Variants in SORCS3 observed in about 807,000 individuals in gnomAD.
SORCS3 encodes the protein sortilin related VPS10 domain containing receptor 3.
SORCS3 carries 57 observed loss-of-function variants against 146.3 expected under a neutral mutation model. The observed-to-expected ratio is 0.39, with a 90% CI of 0.31 to 0.49. SORCS3 has a LOEUF of 0.49. SORCS3 is among the 20% of genes least tolerant of loss of function. The pLI, the probability that SORCS3 is intolerant of heterozygous loss-of-function variation, is 0.92. For synonymous variants in SORCS3, 653 were observed against 618.5 expected (o/e 1.06, Z -0.83); for missense variants, 1,341 against 1,575.5 (o/e 0.85, Z 2.52).
At chr10:104,730,869 C>A (rs958436566) in intron 1 of SORCS3, among the ~76,000 whole-genome samples, 1 of 152,198 alleles carries the variant, frequency 6.6e-6, no homozygotes, top group African/African-American at 2.4e-5. Flanking sequence ...CCCATGATTC[C>A]ATTATCTCCA....
chr10:105,010,813 C>T (rs1282567183), intron 4 of SORCS3, among the ~76,000 whole-genome samples: 2 of 151,602 alleles, frequency 1.3e-5, no homozygotes, highest in East Asian at 1.9e-4. Flanking sequence ...GTGAGATTCT[C>T]CAGGGAGACG....
intron 14 of SORCS3, among the ~76,000 whole-genome samples, chr10:105,198,702 A>G (rs1399761497): frequency 6.6e-6 from 1 of 152,178 alleles, no homozygotes; most frequent in African/African-American, 2.4e-5. Flanking sequence ...TTCTAGGCTC[A>G]GAGTTTCTCC....
intron 11 of SORCS3, among the ~76,000 whole-genome samples, chr10:105,159,618 C>T (rs2056244884): frequency 6.6e-6 from 1 of 152,226 alleles, no homozygotes; most frequent in Non-Finnish European, 1.5e-5. Flanking sequence ...CATTTCCATA[C>T]ACCTTTTCAA....
chr10:105,141,540 TATC>T (rs1478315782), intron 8 of SORCS3, among the ~76,000 whole-genome samples: 7 of 152,224 alleles, frequency 4.6e-5, no homozygotes, highest in African/African-American at 1.4e-4. Flanking sequence ...AAAAGCTCCC[TATC>T]ATCATTGCCC....
At chr10:104,882,988 A>G (rs2133576883) in intron 2 of SORCS3, among the ~76,000 whole-genome samples, 1 of 152,332 alleles carries the variant, frequency 6.6e-6, no homozygotes, top group Non-Finnish European at 1.5e-5. Context: ...ATGGAATCAC[A>G]GGGAGGAAGG....
intron 1 of SORCS3, among the ~76,000 whole-genome samples, chr10:104,772,038 C>T (rs1175083262): frequency 1.3e-5 from 2 of 152,160 alleles, no homozygotes; most frequent in African/African-American, 4.8e-5. Flanking sequence ...AATGCTTAGG[C>T]TAAGACTTGT....
chr10:104,685,267 A>C (rs1376250516), intron 1 of SORCS3, among the ~76,000 whole-genome samples: 3 of 152,222 alleles, frequency 2.0e-5, no homozygotes, highest in African/African-American at 7.2e-5. Flanking sequence ...CCTACAAGGC[A>C]AAGAGAAAGG....
At chr10:105,083,666 G>C (rs703462) in intron 5 of SORCS3, among the ~76,000 whole-genome samples, 60,567 of 151,972 alleles carry the variant, frequency 0.4, 12,564 homozygotes, top group African/African-American at 0.5. Context: ...AAAATCTTCA[G>C]TCACTACTCC....
chr10:104,841,068 G>A (rs1427581545), intron 1 of SORCS3, among the ~76,000 whole-genome samples: 3 of 152,150 alleles, frequency 2.0e-5, no homozygotes, highest in East Asian at 1.9e-4. Context: ...GTGTATGTGT[G>A]TGTGTATACC....
At chr10:104,988,113 A>G (rs561777452) in intron 4 of SORCS3, among the ~76,000 whole-genome samples, 30 of 152,220 alleles carry the variant, frequency 2.0e-4, no homozygotes, top group African/African-American at 7.2e-4. Flanking sequence ...GGAGCATATG[A>G]CTCTTGAAGG....
chr10:105,231,020 C>G (rs554102630), intron 20 of SORCS3, among the ~76,000 whole-genome samples: 1 of 152,258 alleles, frequency 6.6e-6, no homozygotes, highest in Non-Finnish European at 1.5e-5. Flanking sequence ...TTCTGGAGGT[C>G]TCTCACTTGC....
chr10:105,007,195 T>C (rs1344463573), intron 4 of SORCS3, among the ~76,000 whole-genome samples: 2 of 152,212 alleles, frequency 1.3e-5, no homozygotes, highest in Admixed American at 6.5e-5. Flanking sequence ...AACCAGTTGG[T>C]TAATTAATAT....
intron 1 of SORCS3, among the ~76,000 whole-genome samples, chr10:104,644,213 G>T (rs1313249182): frequency 2.0e-5 from 3 of 152,242 alleles, no homozygotes; most frequent in Non-Finnish European, 2.9e-5. Flanking sequence ...TGTGCTCTTG[G>T]CCAGCCTTAC....
chr10:104,912,876 C>A (rs1405065718), intron 2 of SORCS3, among the ~76,000 whole-genome samples: 1 of 151,890 alleles, frequency 6.6e-6, no homozygotes, highest in Admixed American at 6.6e-5. Flanking sequence ...TGTGATTAAT[C>A]CCCCCCGGGA....
At chr10:104,869,633 T>C (rs1435184297) in intron 2 of SORCS3, among the ~76,000 whole-genome samples, 1 of 152,198 alleles carries the variant, frequency 6.6e-6, no homozygotes, top group Non-Finnish European at 1.5e-5. Flanking sequence ...CACCAACCAT[T>C]TCTTCTGAAA....
At chr10:105,134,981 A>G (rs1181683962) in intron 7 of SORCS3, among the ~76,000 whole-genome samples, 1 of 152,038 alleles carries the variant, frequency 6.6e-6, no homozygotes, top group Non-Finnish European at 1.5e-5. Context: ...TCTGAAATAC[A>G]ATGGTGGGAG....
At chr10:105,254,803 A>C (rs971241747) in intron 23 of SORCS3, among the ~76,000 whole-genome samples, 1 of 151,982 alleles carries the variant, frequency 6.6e-6, no homozygotes, top group African/African-American at 2.4e-5. Context: ...ATCTAAAAAA[A>C]AAAAGAAGTA....
chr10:104,771,845 G>T (rs188316628), intron 1 of SORCS3, among the ~76,000 whole-genome samples: 1 of 151,862 alleles, frequency 6.6e-6, no homozygotes, highest in East Asian at 1.9e-4. Flanking sequence ...GGGAAAGTGA[G>T]TTGACCAAGG....
rs368838259 is a variant in SORCS3, at chr10:105,228,057, A to G, written c.2868+4808A>G. 5.6e-5 allele frequency among the ~76,000 whole-genome samples: 8 copies of G among 143,204 alleles called. No homozygotes were observed. In the East Asian group the frequency reaches 1.5e-3, roughly 26 times the overall value. The allele number at this position is 143,204 out of a possible 152,430, so 93.9% of individuals were successfully genotyped here. On this transcript the variant is annotated intron_variant, in intron 20 of 26. Transcript: ENST00000369701. ...TGTATGTGTGTTTTAAATCCATTTC[A>G]TTAGCTTTAACTTTACTGAGGAAAG...
Sources: gnomAD v4.1 joint callset for allele counts (sites outside exome capture counted in the v4.1 genomes callset) on GRCh38, gnomAD v4.1.1 for gene constraint, MANE v1.5 for transcripts, NCBI Gene and HGNC (gene_info 2026-07-23, HGNC 2026-07-21) for gene names.